CNTN6: variants seen among roughly 807,000 people sequenced by gnomAD.
CNTN6 encodes contactin-6.
A neutral mutation model predicts 122.8 loss-of-function variants in CNTN6; 137 were observed. The ratio of observed to expected loss-of-function variants is 1.12; its 90% CI spans 0.97 to 1.29. The LOEUF is 1.29. Among genes scored for constraint, CNTN6 ranks in the 50% most tolerant of loss-of-function variants. The probability of loss-of-function intolerance (pLI) is 0.00; values close to 1 mark genes in which losing one functional copy is unlikely to be tolerated. For synonymous variants in CNTN6, 570 were observed against 426.0 expected (o/e 1.34, Z -4.16); for missense variants, 1,634 against 1,223.4 (o/e 1.34, Z -5.01).
chr3:1,154,769 C>A (rs763222798), intron 2 of CNTN6, among the ~76,000 whole-genome samples: 31 of 152,112 alleles, frequency 2.0e-4, no homozygotes, highest in Admixed American at 8.5e-4. Flanking sequence ...TTTCTTCCCC[C>A]GATTTAAACA....
intron 1 of CNTN6, among the ~76,000 whole-genome samples, chr3:1,100,954 C>T (rs187860393): frequency 6.4e-4 from 98 of 152,164 alleles, no homozygotes; most frequent in African/African-American, 2.3e-3. Flanking sequence ...TCCTGGTGCT[C>T]ATAATTTTTT....
chr3:1,157,369 C>T (rs1041264240), intron 2 of CNTN6, among the ~76,000 whole-genome samples: 1 of 152,030 alleles, frequency 6.6e-6, no homozygotes, highest in African/African-American at 2.4e-5. Flanking sequence ...AGGCATGTGC[C>T]ACCACACCTG....
intron 12 of CNTN6, among the ~76,000 whole-genome samples, chr3:1,353,764 ATT>A (rs899426408): frequency 2.6e-5 from 4 of 151,652 alleles, no homozygotes; most frequent in African/African-American, 9.7e-5. Context: ...TAGTATGCAA[ATT>A]TTATTACAGC....
intron 4 of CNTN6, among the ~76,000 whole-genome samples, chr3:1,247,902 A>G (rs938186299): frequency 6.6e-6 from 1 of 152,208 alleles, no homozygotes; most frequent in Non-Finnish European, 1.5e-5. Flanking sequence ...ACTATAGCCA[A>G]TGTCACTGGG....
Position 1,372,898 on chromosome 3 carries a change from T to A in CNTN6, c.1729T>A (p.Cys577Ser). Reference protein sequence around the residue: ...IQLHHSGKYLCTVQTTLESLS... With the variant: ...IQLHHSGKYLSTVQTTLESLS... The stretch of plus-strand genomic sequence containing the variant: ...GTTACATCATTCAGGAAAATATCTC[T>A]GCACAGTACAAACAACCCTAGAAAG... The change falls in exon 14 of 23, where the codon TGC becomes AGC. Residue 577 changes from cysteine to serine, a missense_variant. Physicochemically the swap from Cys to Ser is moderately radical, Grantham distance 112. Coordinates refer to ENST00000446702, the MANE Select transcript of CNTN6 (RefSeq NM_001289080.2). 1 of 1,610,788 alleles carries A rather than the reference T, an allele frequency of 6.2e-7. No individual in the cohort carries two copies. Among genetic ancestry groups the A allele is most frequent in the South Asian group, 1.1e-5 (1 of 90,700 alleles).
intron 8 of CNTN6, among the ~76,000 whole-genome samples, chr3:1,325,562 G>A (rs1367965745): frequency 6.6e-6 from 1 of 151,788 alleles, no homozygotes; most frequent in Admixed American, 6.6e-5. Context: ...CAGCTCCCAA[G>A]TTGTTATACA....
At chr3:1,398,470 A>T (rs1695260178) in intron 20 of CNTN6, among the ~76,000 whole-genome samples, 1 of 152,164 alleles carries the variant, frequency 6.6e-6, no homozygotes, top group Admixed American at 6.5e-5. Context: ...TATTAAGGGG[A>T]AAACTTGAAT....
At chr3:1,200,933 C>CTT (rs59538115) in intron 2 of CNTN6, among the ~76,000 whole-genome samples, 1 of 140,964 alleles carries the variant, frequency 7.1e-6, no homozygotes, top group Admixed American at 7.0e-5. Context: ...TTCTTTTTTT[C>CTT]TTTTTTTTTT....
chr3:1,177,290 G>A (rs1424758918), intron 2 of CNTN6, among the ~76,000 whole-genome samples: 1 of 152,160 alleles, frequency 6.6e-6, no homozygotes, highest in Non-Finnish European at 1.5e-5. Flanking sequence ...AGATTATAAT[G>A]AAGTATTGTG....
chr3:1,368,193 T>C (rs1708503893), intron 12 of CNTN6, among the ~76,000 whole-genome samples: 1 of 152,186 alleles, frequency 6.6e-6, no homozygotes, highest in South Asian at 2.1e-4. Context: ...AAAAATGGAA[T>C]GGTAAAACAG....
chr3:1,135,608 A>G (rs530796208), intron 1 of CNTN6, among the ~76,000 whole-genome samples: 3 of 152,338 alleles, frequency 2.0e-5, no homozygotes, highest in East Asian at 3.9e-4. Flanking sequence ...ACATACATAA[A>G]TACACTGTAT....
intron 2 of CNTN6, among the ~76,000 whole-genome samples, chr3:1,204,017 AC>A (rs2093922702): frequency 6.6e-6 from 1 of 152,226 alleles, no homozygotes; most frequent in African/African-American, 2.4e-5. Flanking sequence ...AGCAGGCTAT[AC>A]TGTCTAGGTT....
intron 1 of CNTN6, among the ~76,000 whole-genome samples, chr3:1,098,632 C>G (rs2090664319): frequency 6.6e-6 from 1 of 151,182 alleles, no homozygotes; most frequent in Non-Finnish European, 1.5e-5. Flanking sequence ...ATTGCAGAAT[C>G]TATAAACTCA....
intron 11 of CNTN6, among the ~76,000 whole-genome samples, chr3:1,333,265 A>G (rs1174885013): frequency 1.3e-5 from 2 of 152,062 alleles, no homozygotes; most frequent in East Asian, 1.9e-4. Flanking sequence ...ACACTGTTCA[A>G]TGCTATATTT....
chr3:1,237,144 T>G lies in CNTN6; in HGVS notation c.358+9151T>G, dbSNP rs142583944. On this transcript the variant is annotated intron_variant, in intron 4 of 22. Transcript: ENST00000446702. The stretch of plus-strand genomic sequence containing the variant: ...TCCAGCTTAAAGAAATTAAAAACAT[T>G]ATACAGAAAATTAAAGGAAAATTCT... Among the ~76,000 whole-genome samples, 520 of 152,006 alleles carry G rather than the reference T, an allele frequency of 3.4e-3. 3 individuals carry two copies. Among genetic ancestry groups the G allele is most frequent in the African/African-American group, 0.012 (491 of 41,500 alleles).
At chr3:1,222,583 G>A (rs769609269) in intron 3 of CNTN6, among the ~76,000 whole-genome samples, 84 of 149,922 alleles carry the variant, frequency 5.6e-4, no homozygotes, top group South Asian at 1.1e-3. Flanking sequence ...ATAGAATGAA[G>A]GCAACAGTTT....
At chr3:1,227,011 T>G (rs1316340261) in intron 3 of CNTN6, among the ~76,000 whole-genome samples, 13 of 152,148 alleles carry the variant, frequency 8.5e-5, no homozygotes, top group Non-Finnish European at 1.9e-4. Flanking sequence ...AGTTTCAAGG[T>G]AGGAAAAGTG....
At chr3:1,397,693 T>C (rs1197552427) in intron 20 of CNTN6, among the ~76,000 whole-genome samples, 9 of 152,092 alleles carry the variant, frequency 5.9e-5, no homozygotes, top group African/African-American at 2.2e-4. Context: ...TAACTAAAAG[T>C]GTTTGCAAAT....
chr3:1,109,125 AG>A (rs1204388191), intron 1 of CNTN6, among the ~76,000 whole-genome samples: 5 of 152,062 alleles, frequency 3.3e-5, no homozygotes, highest in Admixed American at 3.3e-4. Context: ...AAAAATTTTA[AG>A]GGGGAAACAG....
Sources: allele counts gnomAD v4.1 joint callset (sites outside exome capture counted in the v4.1 genomes callset), GRCh38; gene constraint gnomAD v4.1.1; transcripts MANE v1.5; gene names NCBI Gene and HGNC (gene_info 2026-07-23, HGNC 2026-07-21).